Variants in OSBPL6 observed in about 807,000 individuals in gnomAD.
The protein encoded by OSBPL6 is oxysterol binding protein like 6.
In OSBPL6, 49 loss-of-function variants were observed where a neutral mutation model predicts 125.8. The ratio of observed to expected loss-of-function variants is 0.39; its 90% confidence interval spans 0.31 to 0.49. OSBPL6 has a LOEUF of 0.49. Ranked by LOEUF, OSBPL6 falls within the 20% of genes least tolerant of loss-of-function variation. The probability of loss-of-function intolerance (pLI) is 0.88; values close to 1 mark genes in which losing one functional copy is unlikely to be tolerated. For synonymous variants in OSBPL6, 394 were observed against 391.8 expected (o/e 1.01, Z -0.07); for missense variants, 986 against 1,135.4 (o/e 0.87, Z 1.89).
chr2:178,250,506 T>C (rs181269449), intron 1 of OSBPL6, among the ~76,000 whole-genome samples: 64 of 152,280 alleles, frequency 4.2e-4, no homozygotes, highest in Admixed American at 1.1e-3. Context: ...TGACTTCCCA[T>C]TGTACGTAGA....
intron 1 of OSBPL6, among the ~76,000 whole-genome samples, chr2:178,223,164 A>G (rs2090413882): frequency 2.0e-5 from 3 of 152,228 alleles, no homozygotes; most frequent in African/African-American, 7.2e-5. Context: ...ACTTGTTACT[A>G]GTTCACTCTA....
chr2:178,212,836 CT>C (rs1365034512), intron 1 of OSBPL6, among the ~76,000 whole-genome samples: 18 of 148,992 alleles, frequency 1.2e-4, no homozygotes, highest in Middle Eastern at 3.4e-3. Flanking sequence ...TGAGATGAGT[CT>C]TTCTTTGTCA....
At chr2:178,336,522 T>G (rs1689699544) in intron 9 of OSBPL6, 89 bp downstream of exon 9, 1 of 1,430,024 alleles carries the variant, frequency 7.0e-7, no homozygotes. Flanking sequence ...GCTACATCTT[T>G]TACCCTGATT....
At chr2:178,347,685 T>C (rs78836150) in intron 11 of OSBPL6, among the ~76,000 whole-genome samples, 9,616 of 152,270 alleles carry the variant, frequency 0.063, 390 homozygotes, top group South Asian at 0.15. Context: ...TCCATTTTCT[T>C]AAATGGCTTA....
intron 13 of OSBPL6, among the ~76,000 whole-genome samples, chr2:178,368,397 C>G (rs2154102972): frequency 6.6e-6 from 1 of 152,272 alleles, no homozygotes; most frequent in African/African-American, 2.4e-5. Flanking sequence ...ACAGCAAACT[C>G]TTTTCTACCA....
intron 1 of OSBPL6, among the ~76,000 whole-genome samples, chr2:178,224,388 A>G (rs2090465749): frequency 6.6e-6 from 1 of 152,224 alleles, no homozygotes; most frequent in East Asian, 1.9e-4. Flanking sequence ...GACTATCTAG[A>G]GAGGGAAAAA....
chr2:178,303,893 G>C (rs1686513927), intron 2 of OSBPL6, among the ~76,000 whole-genome samples: 1 of 151,842 alleles, frequency 6.6e-6, no homozygotes, highest in Non-Finnish European at 1.5e-5. Context: ...TCCCCACTTG[G>C]AGTCTCCCCA....
At chr2:178,210,816 A>C (rs1266456499) in intron 1 of OSBPL6, among the ~76,000 whole-genome samples, 5 of 118,298 alleles carry the variant, frequency 4.2e-5, no homozygotes, top group Admixed American at 3.9e-4. Flanking sequence ...ATGTTTCAAA[A>C]AAAAAAAACA....
chr2:178,360,837 T>G (rs1461723910), intron 12 of OSBPL6, among the ~76,000 whole-genome samples: 10 of 152,222 alleles, frequency 6.6e-5, no homozygotes, highest in Non-Finnish European at 1.5e-5. Context: ...ATCCTGCCAT[T>G]TTCCCCCTGT....
intron 15 of OSBPL6, among the ~76,000 whole-genome samples, chr2:178,376,399 G>C (rs553008593): frequency 6.6e-6 from 1 of 151,692 alleles, no homozygotes; most frequent in African/African-American, 2.4e-5. Context: ...ATTCACTCGG[G>C]TTCTATAGCT....
chr2:178,255,198 G>A (rs2091840809), intron 1 of OSBPL6, among the ~76,000 whole-genome samples: 2 of 152,230 alleles, frequency 1.3e-5, no homozygotes, highest in South Asian at 4.1e-4. Context: ...CAGCTACTTG[G>A]GAGGCTGAGG....
At chr2:178,233,642 G>A (rs540837291) in intron 1 of OSBPL6, among the ~76,000 whole-genome samples, 1 of 152,314 alleles carries the variant, frequency 6.6e-6, no homozygotes, top group South Asian at 2.1e-4. Context: ...TGTTAAGGAG[G>A]TGATGACACA....
chr2:178,247,806 A>G (rs2091548528), intron 1 of OSBPL6, among the ~76,000 whole-genome samples: 1 of 152,172 alleles, frequency 6.6e-6, no homozygotes, highest in Admixed American at 6.5e-5. Context: ...AATCCTCTCC[A>G]TGCCCCTGTT....
rs75335844 is a variant in OSBPL6, at chr2:178,358,808, G to A, written c.1154-2874G>A. Among the ~76,000 whole-genome samples, 1,270 of 152,064 alleles carry A rather than the reference G, an allele frequency of 8.4e-3. 16 individuals are homozygous for A. The highest frequency in any genetic ancestry group is 0.029 in the African/African-American group (1,205 of 41,504). ...ATTTTTAAAAATAAGCTTCTGCACA[G>A]CAAAGAAAACAATCAACAAAAGAAA... On this transcript the variant is annotated intron_variant, in intron 12 of 24. Coordinates refer to ENST00000190611, the MANE Select transcript of OSBPL6 (RefSeq NM_032523.4).
intron 1 of OSBPL6, among the ~76,000 whole-genome samples, chr2:178,207,053 T>C (rs1486547896): frequency 6.6e-6 from 1 of 152,208 alleles, no homozygotes; most frequent in African/African-American, 2.4e-5. Context: ...TTTGTTTGTT[T>C]GTTTTGTTTT....
chr2:178,376,385 C>A (rs1320129694), intron 15 of OSBPL6, among the ~76,000 whole-genome samples: 1 of 152,052 alleles, frequency 6.6e-6, no homozygotes, highest in Non-Finnish European at 1.5e-5. Context: ...TACCACCCAC[C>A]TTGATTCACT....
intron 4 of OSBPL6, among the ~76,000 whole-genome samples, chr2:178,327,565 A>G (rs1280170044): frequency 1.3e-5 from 2 of 152,222 alleles, no homozygotes; most frequent in Non-Finnish European, 2.9e-5. Flanking sequence ...TAGACTTTTT[A>G]TAAGAGCCTA....
intron 23 of OSBPL6, 29 bp from the exon 24 acceptor site, chr2:178,394,284 T>C: frequency 6.2e-7 from 1 of 1,601,094 alleles, no homozygotes; most frequent in South Asian, 1.1e-5. Context: ...GAGGATAATA[T>C]GTTAAAATAT....
chr2:178,306,202 G>A lies in OSBPL6; in HGVS notation c.18G>A (p.Lys6=), dbSNP rs553958346. 2.2e-5 allele frequency: 36 copies of A among 1,613,058 alleles called. No homozygotes were observed. Among genetic ancestry groups the A allele is most frequent in the Non-Finnish European group, 3.1e-5 (36 of 1,179,134 alleles). The stretch of plus-strand genomic sequence containing the variant: ...CTGCAGCGATGAGTTCAGATGAGAA[G>A]GGCATTTCCCCTGCTCATAAAACAT... MSSDE[K]GISPAHKTST... is the part of the protein sequence containing the mutation. The change falls in exon 3 of 25, where the codon AAG becomes AAA. Residue 6 remains lysine (K), a synonymous_variant. Coordinates refer to ENST00000190611, the MANE Select transcript of OSBPL6 (RefSeq NM_032523.4).
Sources: gnomAD v4.1 joint callset for allele counts (sites outside exome capture counted in the v4.1 genomes callset) on GRCh38, gnomAD v4.1.1 for gene constraint, MANE v1.5 for transcripts, NCBI Gene and HGNC (gene_info 2026-07-23, HGNC 2026-07-21) for gene names.